The following SLX4IP variants were observed in gnomAD, a reference collection of about 807,000 sequenced individuals.
SLX4IP encodes SLX4 interacting protein.
In SLX4IP, 34 loss-of-function variants were observed where a neutral mutation model predicts 32.9. The observed-to-expected ratio is 1.03, with a 90% confidence interval of 0.79 to 1.38. The LOEUF (loss-of-function observed/expected upper bound fraction) is 1.38, where lower values mean the gene tolerates loss of function less well. Among genes scored for constraint, SLX4IP ranks in the 40% most tolerant of loss-of-function variants. The pLI is 0.00. For synonymous variants in SLX4IP, 172 were observed against 171.7 expected (o/e 1.00, Z -0.01); for missense variants, 444 against 479.0 (o/e 0.93, Z 0.68).
rs1342411892 is a variant in SLX4IP at position 10,458,171 on chromosome 20, T to TA, written c.-29-2dup. The TA allele has an allele frequency of 6.5e-7, 1 of 1,539,660 alleles. No homozygotes were observed. The highest frequency in any genetic ancestry group is 2.3e-5 in the Admixed American group (1 of 43,156). On this transcript the variant is annotated splice_polypyrimidine_tract_variant and splice_region_variant and intron_variant, in intron 1 of 7. Transcript: ENST00000334534. The stretch of plus-strand genomic sequence containing the variant: ...ACCTAATTGTAACTTTTTTTTTTCT[T>TA]AAAGGTCTGTAGTTACTGTGGAATC...
intron 2 of SLX4IP, among the ~76,000 whole-genome samples, chr20:10,535,859 T>C (rs969989308): frequency 7.2e-5 from 11 of 152,174 alleles, no homozygotes; most frequent in Non-Finnish European, 1.3e-4. Flanking sequence ...AAAGCAAATA[T>C]TGAGTAAATT....
intron 6 of SLX4IP, among the ~76,000 whole-genome samples, chr20:10,606,984 T>C (rs1304117526): frequency 6.6e-6 from 1 of 152,234 alleles, no homozygotes; most frequent in Non-Finnish European, 1.5e-5. Flanking sequence ...TTCCTCAGAA[T>C]TGTGTTTTCT....
intron 1 of SLX4IP, among the ~76,000 whole-genome samples, chr20:10,441,159 A>G (rs923323704): frequency 5.3e-5 from 8 of 152,140 alleles, no homozygotes; most frequent in Non-Finnish European, 8.8e-5. Flanking sequence ...TTCAGGCCGG[A>G]CATGGTGGGG....
At chr20:10,437,213 A>T (rs777755188) in intron 1 of SLX4IP, among the ~76,000 whole-genome samples, 13 of 151,748 alleles carry the variant, frequency 8.6e-5, no homozygotes, top group Non-Finnish European at 1.8e-4. Context: ...GTAACCTCCA[A>T]CTCTTGGGCT....
At chr20:10,495,420 A>G (rs111782250) in intron 2 of SLX4IP, among the ~76,000 whole-genome samples, 3,859 of 152,300 alleles carry the variant, frequency 0.025, 103 homozygotes, top group Admixed American at 0.096. Context: ...GATCTGGTAC[A>G]TGGTCGGGGT....
chr20:10,622,158 G>A (rs1322572673), intron 7 of SLX4IP, among the ~76,000 whole-genome samples: 1 of 152,110 alleles, frequency 6.6e-6, no homozygotes, highest in Non-Finnish European at 1.5e-5. Flanking sequence ...CCCATTTGTT[G>A]ATCAAGTTTG....
intron 2 of SLX4IP, among the ~76,000 whole-genome samples, chr20:10,555,197 A>T (rs569611065): frequency 5.3e-5 from 7 of 132,104 alleles, no homozygotes; most frequent in Admixed American, 1.5e-4. Context: ...GACAGAATTT[A>T]AAAAAAAAAA....
chr20:10,487,397 A>G (rs562552949), intron 2 of SLX4IP, among the ~76,000 whole-genome samples: 1 of 152,196 alleles, frequency 6.6e-6, no homozygotes, highest in Non-Finnish European at 1.5e-5. Context: ...ATGACTCAGT[A>G]TTACAGATGT....
chr20:10,518,500 TCC>T (rs748074426), intron 2 of SLX4IP, among the ~76,000 whole-genome samples: 788 of 62,420 alleles, frequency 0.013, 42 homozygotes, highest in Non-Finnish European at 0.02. Context: ...TTTCCTTCCT[TCC>T]TTCCTTCCTT....
At chr20:10,534,951 A>T (rs1009754648) in intron 2 of SLX4IP, among the ~76,000 whole-genome samples, 1 of 152,136 alleles carries the variant, frequency 6.6e-6, no homozygotes. Context: ...GTGTACCGGG[A>T]TATGGTCAAC....
chr20:10,592,758 C>A (rs1052562494), intron 4 of SLX4IP, among the ~76,000 whole-genome samples: 30 of 149,854 alleles, frequency 2.0e-4, no homozygotes, highest in African/African-American at 7.4e-4. Flanking sequence ...CCTCAGCCTC[C>A]CAAGTAACTG....
chr20:10,556,204 A>G, intron 2 of SLX4IP, 27 bp from the exon 3 acceptor site: 2 of 1,604,900 alleles, frequency 1.2e-6, no homozygotes, highest in Non-Finnish European at 1.7e-6. Flanking sequence ...CCGCACAGAC[A>G]CTGACTCTGC....
At chr20:10,505,511 G>A (rs2065751755) in intron 2 of SLX4IP, among the ~76,000 whole-genome samples, 1 of 152,192 alleles carries the variant, frequency 6.6e-6, no homozygotes, top group African/African-American at 2.4e-5. Context: ...AGTGCTCCTG[G>A]GAGGTTGCAC....
intron 3 of SLX4IP, among the ~76,000 whole-genome samples, chr20:10,558,185 TA>T (rs2066288274): frequency 1.3e-5 from 2 of 151,594 alleles, no homozygotes; most frequent in African/African-American, 4.9e-5. Flanking sequence ...ATAAAAAGTA[TA>T]AAAATTAGCC....
At chr20:10,536,018 G>A (rs1164521129) in intron 2 of SLX4IP, among the ~76,000 whole-genome samples, 2 of 152,118 alleles carry the variant, frequency 1.3e-5, no homozygotes, top group Admixed American at 6.5e-5. Flanking sequence ...AATGAGCGCC[G>A]GAGACTCCAC....
intron 2 of SLX4IP, among the ~76,000 whole-genome samples, chr20:10,546,485 A>T (rs667456): frequency 0.58 from 88,317 of 152,014 alleles, 26,183 homozygotes; most frequent in South Asian, 0.75. Flanking sequence ...TGGAACTAAC[A>T]GTTCAGAATT....
At chr20:10,491,120 G>A (rs2065619554) in intron 2 of SLX4IP, among the ~76,000 whole-genome samples, 1 of 151,160 alleles carries the variant, frequency 6.6e-6, no homozygotes, top group Non-Finnish European at 1.5e-5. Context: ...CTCTTGTCTT[G>A]CTTTGTCACT....
At position 10,556,262 on chromosome 20, in the gene SLX4IP, A is replaced by G. The variant is rs1238532204; in HGVS notation, c.59A>G (p.His20Arg). 1.9e-6 allele frequency: 3 copies of G among 1,613,586 alleles called. No homozygotes were observed. Among genetic ancestry groups the G allele is most frequent in the East Asian group, 2.2e-5 (1 of 44,838 alleles). The change falls in exon 3 of 8, where the codon CAT (histidine) becomes CGT (arginine). Residue 20 changes from histidine (H) to arginine (R), a missense_variant. Physicochemically the swap from His to Arg is conservative, Grantham distance 29. Coordinates refer to ENST00000334534, the MANE Select transcript of SLX4IP (RefSeq NM_001009608.3). The part of the protein sequence containing the change: ...CGNFAVLVDL[H>R]ILPQGSNKDT... ...AATTTTGCTGTCCTCGTGGATCTTC[A>G]TATCTTGCCACAAGGTTCAAACAAA...
chr20:10,530,133 C>T (rs911318610), intron 2 of SLX4IP, among the ~76,000 whole-genome samples: 1 of 152,190 alleles, frequency 6.6e-6, no homozygotes, highest in Non-Finnish European at 1.5e-5. Flanking sequence ...TTTTGGGAAA[C>T]AATCGTGTAA....
Sources: gnomAD v4.1 joint callset for allele counts (sites outside exome capture counted in the v4.1 genomes callset) on GRCh38, gnomAD v4.1.1 for gene constraint, MANE v1.5 for transcripts, NCBI Gene and HGNC (gene_info 2026-07-23, HGNC 2026-07-21) for gene names.